The following COL22A1 variants were observed in gnomAD, a reference collection of about 807,000 sequenced individuals.
COL22A1 encodes collagen alpha-1(XXII) chain.
A neutral mutation model predicts 248.9 loss-of-function variants in COL22A1; 221 were observed. The ratio of observed to expected loss-of-function variants is 0.89; its 90% CI spans 0.80 to 0.99. The LOEUF (loss-of-function observed/expected upper bound fraction) is 0.99. Ranked by LOEUF, COL22A1 falls within the 50% of genes least tolerant of loss-of-function variation. The pLI is 0.00. For synonymous variants in COL22A1, 891 were observed against 793.4 expected (o/e 1.12, Z -2.07); for missense variants, 2,240 against 2,179.0 (o/e 1.03, Z -0.56).
intron 45 of COL22A1, 124 bp from the exon 46 acceptor site, chr8:138,649,902 A>G: frequency 1.7e-6 from 1 of 590,558 alleles, no homozygotes; most frequent in Non-Finnish European, 2.9e-6. Flanking sequence ...ATTCCAGAGA[A>G]GATAGAAAAG....
intron 63 of COL22A1, 47 bp downstream of exon 63, chr8:138,593,970 G>A (rs540385225): frequency 2.0e-5 from 28 of 1,407,926 alleles, no homozygotes; most frequent in Middle Eastern, 1.9e-4. Context: ...TTCCTTCTCC[G>A]CCCTCCAGGA....
chr8:138,880,217 G>C (rs1281867265), intron 2 of COL22A1, among the ~76,000 whole-genome samples: 1 of 152,232 alleles, frequency 6.6e-6, no homozygotes, highest in Non-Finnish European at 1.5e-5. Context: ...AGCCATGACA[G>C]TGATGGCTGA....
At chr8:138,679,403 A>C (rs1323739934) in intron 40 of COL22A1, among the ~76,000 whole-genome samples, 1 of 152,150 alleles carries the variant, frequency 6.6e-6, no homozygotes, top group East Asian at 1.9e-4. Context: ...CATGTCAACA[A>C]CCTAGTTTGT....
chr8:138,726,858 G>A (rs565415685), intron 23 of COL22A1, among the ~76,000 whole-genome samples: 8 of 152,326 alleles, frequency 5.3e-5, no homozygotes, highest in Non-Finnish European at 1.0e-4. Context: ...CGACTTTGCC[G>A]TGAAGGTCTT....
At chr8:138,847,978 T>C (rs1821369061) in intron 3 of COL22A1, among the ~76,000 whole-genome samples, 2 of 151,972 alleles carry the variant, frequency 1.3e-5, no homozygotes. Context: ...TTAATGAGGG[T>C]GGTGAGAAGT....
intron 13 of COL22A1, among the ~76,000 whole-genome samples, chr8:138,780,414 T>C (rs1814856925): frequency 6.6e-6 from 1 of 152,132 alleles, no homozygotes; most frequent in Non-Finnish European, 1.5e-5. Context: ...GGATGCTTGG[T>C]GGAGAGGAGA....
intron 2 of COL22A1, among the ~76,000 whole-genome samples, chr8:138,882,179 A>G (rs528146940): frequency 6.6e-6 from 1 of 152,064 alleles, no homozygotes; most frequent in East Asian, 1.9e-4. Context: ...CAGGCTCACA[A>G]CCCAGGATGT....
intron 18 of COL22A1, among the ~76,000 whole-genome samples, chr8:138,758,685 A>G (rs1478555111): frequency 1.3e-5 from 2 of 152,222 alleles, no homozygotes; most frequent in Non-Finnish European, 2.9e-5. Context: ...ATTTGTCTCA[A>G]GGATGTGATC....
At chr8:138,612,345 C>A (rs1175578568) in intron 56 of COL22A1, among the ~76,000 whole-genome samples, 1 of 152,112 alleles carries the variant, frequency 6.6e-6, no homozygotes, top group African/African-American at 2.4e-5. Context: ...GCACTAGGCA[C>A]CTAAATATCT....
At chr8:138,867,965 A>G (rs537395230) in intron 3 of COL22A1, among the ~76,000 whole-genome samples, 13 of 152,196 alleles carry the variant, frequency 8.5e-5, no homozygotes, top group Admixed American at 7.8e-4. Context: ...GGGTTTCACC[A>G]TGTTGGTCAG....
At position 138,812,960 on chromosome 8, in the gene COL22A1, A is replaced by G. The variant is rs773807049; in HGVS notation, c.1305T>C (p.Cys435=). The change falls in exon 8 of 65, where the codon TGT becomes TGC. Residue 435 remains cysteine (C), a synonymous_variant. Transcript: ENST00000303045. ...CDSRHAELET[C]CDIPSGPCQV... ...TCACCGGACCCGAGGGGATATCACAACAAGTCTCCAATTCTGCGTGTCTCG... is the reference window on the plus strand; with the variant it reads ...TCACCGGACCCGAGGGGATATCACAGCAAGTCTCCAATTCTGCGTGTCTCG... 2.5e-6 allele frequency: 4 copies of G among 1,613,724 alleles called. No individual in the cohort carries two copies. In the Admixed American group the frequency reaches 6.7e-5, roughly 27 times the overall value.
intron 3 of COL22A1, among the ~76,000 whole-genome samples, chr8:138,859,009 G>A (rs996729564): frequency 5.9e-5 from 9 of 152,142 alleles, no homozygotes; most frequent in African/African-American, 1.2e-4. Context: ...CCATGTCTGC[G>A]GATAAACCAT....
chr8:138,775,839 CAT>C (rs981463552), intron 16 of COL22A1, 125 bp downstream of exon 16: 15 of 905,160 alleles, frequency 1.7e-5, no homozygotes, highest in South Asian at 8.2e-5. Context: ...CATGTACACA[CAT>C]GTGCACACAT....
intron 16 of COL22A1, among the ~76,000 whole-genome samples, chr8:138,770,366 C>T (rs1834260215): frequency 6.6e-6 from 1 of 152,218 alleles, no homozygotes; most frequent in African/African-American, 2.4e-5. Context: ...GGACAGCCCA[C>T]TCGGGCTCCG....
chr8:138,654,928 GC>G (rs1823093125), intron 45 of COL22A1, among the ~76,000 whole-genome samples: 1 of 152,190 alleles, frequency 6.6e-6, no homozygotes, highest in Non-Finnish European at 1.5e-5. Flanking sequence ...AGGCCCAACA[GC>G]CCACATCACC....
At chr8:138,667,959 T>G (rs1489300064) in intron 41 of COL22A1, among the ~76,000 whole-genome samples, 1 of 151,872 alleles carries the variant, frequency 6.6e-6, no homozygotes, top group Non-Finnish European at 1.5e-5. Context: ...ATTGAGCTAT[T>G]ACATTAACAA....
chr8:138,840,718 C>G (rs891700739), intron 4 of COL22A1, among the ~76,000 whole-genome samples: 2 of 152,086 alleles, frequency 1.3e-5, no homozygotes, highest in Non-Finnish European at 2.9e-5. Context: ...TTTGGCTAAT[C>G]TTTTCATGGG....
chr8:138,800,417 T>TG (rs1421020348), intron 11 of COL22A1, among the ~76,000 whole-genome samples: 1 of 152,186 alleles, frequency 6.6e-6, no homozygotes, highest in Non-Finnish European at 1.5e-5. Context: ...ATTATCTTTT[T>TG]GGGGGGAGTA....
chr8:138,798,780 G>T (rs1182888513), intron 11 of COL22A1, among the ~76,000 whole-genome samples: 3 of 151,848 alleles, frequency 2.0e-5, no homozygotes, highest in Admixed American at 6.6e-5. Context: ...ATTTTCTTTG[G>T]TTTTTGGCAT....
Sources: allele counts gnomAD v4.1 joint callset (sites outside exome capture counted in the v4.1 genomes callset), GRCh38; gene constraint gnomAD v4.1.1; transcripts MANE v1.5; gene names NCBI Gene and HGNC (gene_info 2026-07-23, HGNC 2026-07-21).